The following ME3 variants were observed in gnomAD, a reference collection of about 807,000 sequenced individuals.
ME3 encodes NADP-dependent malic enzyme, mitochondrial.
Under a neutral mutation model 68.9 loss-of-function variants are expected in ME3, and 48 were observed. That is an observed-to-expected ratio of 0.70 (90% CI 0.55 to 0.89). The LOEUF (loss-of-function observed/expected upper bound fraction) is 0.89. Ranked by LOEUF, ME3 falls within the 40% of genes least tolerant of loss-of-function variation. The pLI, the probability that ME3 is intolerant of heterozygous loss-of-function variation, is 0.00. For synonymous variants in ME3, 320 were observed against 318.8 expected, an observed-to-expected ratio of 1.00 and a Z score of -0.04; for missense variants, 675 against 797.4, an observed-to-expected ratio of 0.85 and a Z score of 1.85.
chr11:86,589,837 C>T (rs1565178697), intron 2 of ME3, among the ~76,000 whole-genome samples: 1 of 152,172 alleles, frequency 6.6e-6, no homozygotes, highest in Non-Finnish European at 1.5e-5. Flanking sequence ...ATATCCACAA[C>T]ATGTTCTCCT....
At chr11:86,588,126 G>T (rs141188112) in intron 2 of ME3, among the ~76,000 whole-genome samples, 7 of 152,166 alleles carry the variant, frequency 4.6e-5, no homozygotes, top group Non-Finnish European at 8.8e-5. Flanking sequence ...GCTAAGCTGT[G>T]GCATGAACAA....
chr11:86,658,207 T>C (rs1418272885), intron 2 of ME3, among the ~76,000 whole-genome samples: 1 of 151,694 alleles, frequency 6.6e-6, no homozygotes, highest in Non-Finnish European at 1.5e-5. Flanking sequence ...TACTGCAACC[T>C]CCACCTCCCG....
At chr11:86,561,370 G>A (rs80066691) in intron 2 of ME3, among the ~76,000 whole-genome samples, 1,739 of 152,184 alleles carry the variant, frequency 0.011, 18 homozygotes, top group South Asian at 0.032. Flanking sequence ...CAAGATTTGG[G>A]CACTATTTAC....
At chr11:86,600,230 T>C (rs919450859) in intron 2 of ME3, among the ~76,000 whole-genome samples, 33 of 152,198 alleles carry the variant, frequency 2.2e-4, no homozygotes, top group African/African-American at 6.7e-4. Flanking sequence ...GAGACACACA[T>C]AGGCTCAAAA....
intron 7 of ME3, among the ~76,000 whole-genome samples, chr11:86,481,045 T>G (rs1374267278): frequency 6.6e-6 from 1 of 151,992 alleles, no homozygotes. Flanking sequence ...TTTCTCTTTT[T>G]ATTTTATTTT....
intron 4 of ME3, among the ~76,000 whole-genome samples, chr11:86,553,808 G>A (rs973045885): frequency 1.3e-5 from 2 of 152,132 alleles, no homozygotes; most frequent in African/African-American, 4.8e-5. Flanking sequence ...AGACCCCTGG[G>A]AAGTCAAACA....
At chr11:86,542,670 A>AT (rs1209160229) in intron 4 of ME3, among the ~76,000 whole-genome samples, 2 of 152,236 alleles carry the variant, frequency 1.3e-5, no homozygotes, top group African/African-American at 4.8e-5. Context: ...GACCAAAACT[A>AT]TGTTTGATTG....
intron 6 of ME3, 101 bp from the exon 7 acceptor site, chr11:86,487,541 G>T (rs1951765925): frequency 2.2e-6 from 2 of 907,218 alleles, no homozygotes; most frequent in South Asian, 1.5e-5. Flanking sequence ...CAGAAGGTGG[G>T]AGGAGAGGGG....
intron 2 of ME3, among the ~76,000 whole-genome samples, chr11:86,663,820 G>C (rs1431194377): frequency 6.6e-6 from 1 of 152,212 alleles, no homozygotes. Context: ...AGATGAGCCT[G>C]AAAAAGTGTC....
At chr11:86,593,096 G>A (rs1355971813) in intron 2 of ME3, among the ~76,000 whole-genome samples, 1 of 152,144 alleles carries the variant, frequency 6.6e-6, no homozygotes, top group Non-Finnish European at 1.5e-5. Context: ...CTGTGGCCTT[G>A]GCTCACTGCC....
At chr11:86,638,017 G>A (rs919263994) in intron 2 of ME3, among the ~76,000 whole-genome samples, 1 of 141,710 alleles carries the variant, frequency 7.1e-6, no homozygotes, top group Non-Finnish European at 1.5e-5. Context: ...TAAGGAAGCA[G>A]GTTCTGTCTT....
chr11:86,558,405 T>C (rs1341068722), intron 3 of ME3, among the ~76,000 whole-genome samples: 1 of 152,114 alleles, frequency 6.6e-6, no homozygotes, highest in Non-Finnish European at 1.5e-5. Context: ...CTGACTACAG[T>C]ATGGCCTTGG....
At position 86,668,604 on chromosome 11, in the gene ME3, A is replaced by G. The variant is rs149791972; in HGVS notation, c.183+3158T>C. Among the ~76,000 whole-genome samples, 45 of 152,328 alleles carry G rather than the reference A, an allele frequency of 3.0e-4. No homozygotes were observed. In the East Asian group the frequency reaches 7.7e-3, roughly 26 times the overall value. On this transcript the variant is annotated intron_variant, in intron 2 of 14. Transcript: ENST00000543262. ...CTCAAAGCAGTAGTGTAACACGGGC[A>G]GAGGAGCTTATGAGATTCATCACAG...
At chr11:86,538,525 A>G (rs1313102739) in intron 4 of ME3, among the ~76,000 whole-genome samples, 1 of 152,130 alleles carries the variant, frequency 6.6e-6, no homozygotes, top group Non-Finnish European at 1.5e-5. Context: ...CCACCACAAC[A>G]CAGTTCACAA....
At chr11:86,511,440 A>T (rs185568123) in intron 4 of ME3, among the ~76,000 whole-genome samples, 1 of 152,266 alleles carries the variant, frequency 6.6e-6, no homozygotes, top group Non-Finnish European at 1.5e-5. Context: ...GCCTTTGCAA[A>T]GATTATGACA....
chr11:86,605,786 C>T (rs1961538531), intron 2 of ME3, among the ~76,000 whole-genome samples: 2 of 61,138 alleles, frequency 3.3e-5, no homozygotes, highest in Non-Finnish European at 6.3e-5. Flanking sequence ...TTCCCTGAGT[C>T]ATACAGTCAG....
At chr11:86,544,251 A>C (rs1421714366) in intron 4 of ME3, among the ~76,000 whole-genome samples, 1 of 152,204 alleles carries the variant, frequency 6.6e-6, no homozygotes, top group African/African-American at 2.4e-5. Flanking sequence ...AGAACTAGAG[A>C]GGCAAGAGCA....
chr11:86,638,517 G>A (rs1766123796), intron 2 of ME3, among the ~76,000 whole-genome samples: 1 of 152,096 alleles, frequency 6.6e-6, no homozygotes, highest in South Asian at 2.1e-4. Flanking sequence ...CTCAAAAAAG[G>A]ACGAAAACTC....
Position 86,612,164 on chromosome 11 carries a change from T to C in ME3, c.184-52341A>G, listed in dbSNP as rs554324975. Among the ~76,000 whole-genome samples the C allele has an allele frequency of 2.0e-4, 30 of 152,320 alleles. 1 individual carries two copies. The South Asian group carries it at 6.0e-3, about 31-fold the overall frequency. ...ACTTATGAGTGAGAACATGTGGTGTTTGGTTTTCTGTTCCTGTGTTAGTTT... is the reference window on the plus strand; with the variant it reads ...ACTTATGAGTGAGAACATGTGGTGTCTGGTTTTCTGTTCCTGTGTTAGTTT... On this transcript the variant is annotated intron_variant, in intron 2 of 14. Coordinates refer to ENST00000543262, the Ensembl canonical transcript of ME3.
Sources: gnomAD v4.1 joint callset for allele counts (sites outside exome capture counted in the v4.1 genomes callset) on GRCh38, gnomAD v4.1.1 for gene constraint, MANE v1.5 for transcripts, NCBI Gene and HGNC (gene_info 2026-07-23, HGNC 2026-07-21) for gene names.